EPC1: variants seen among roughly 807,000 people sequenced by gnomAD.
EPC1 encodes the protein enhancer of polycomb 1.
Under a neutral mutation model 98.4 loss-of-function variants are expected in EPC1, and 12 were observed. The observed-to-expected ratio is 0.12, with a 90% CI of 0.08 to 0.20. The LOEUF is 0.20. EPC1 is among the 10% of genes least tolerant of loss of function. The probability of loss-of-function intolerance (pLI) is 1.00; values close to 1 mark genes in which losing one functional copy is unlikely to be tolerated. For missense variants in EPC1, 729 were observed against 990.5 expected, an observed-to-expected ratio of 0.74 and a Z score of 3.54; for synonymous variants, 357 against 363.9, an observed-to-expected ratio of 0.98 and a Z score of 0.21.
chr10:32,348,264 CGTT>C (rs80168842), upstream of EPC1, among the ~76,000 whole-genome samples: 783 of 151,212 alleles, frequency 5.2e-3, 3 homozygotes, highest in Non-Finnish European at 7.0e-3. Context: ...GAGATCTCTT[CGTT>C]GTTGTTGTTG....
At chr10:32,306,238 G>A (rs1326665370) in intron 1 of EPC1, among the ~76,000 whole-genome samples, 1 of 152,210 alleles carries the variant, frequency 6.6e-6, no homozygotes, top group Non-Finnish European at 1.5e-5. Flanking sequence ...ATGAGACGTG[G>A]AGAAGGAGTT....
At chr10:32,344,870 G>A (rs1838651765) in intron 1 of EPC1, among the ~76,000 whole-genome samples, 1 of 152,180 alleles carries the variant, frequency 6.6e-6, no homozygotes, top group South Asian at 2.1e-4. Flanking sequence ...ACTTCATTGA[G>A]CTCAGCTCTG....
intron 1 of EPC1, among the ~76,000 whole-genome samples, chr10:32,342,136 T>C (rs2133037985): frequency 6.6e-6 from 1 of 152,342 alleles, no homozygotes; most frequent in African/African-American, 2.4e-5. Flanking sequence ...TCAATTCTTT[T>C]CTAATTCAAA....
intron 1 of EPC1, among the ~76,000 whole-genome samples, chr10:32,318,572 T>C (rs752404407): frequency 3.3e-5 from 5 of 152,154 alleles, no homozygotes; most frequent in Admixed American, 6.5e-5. Context: ...CACAGACATC[T>C]CTCACATAAC....
intron 6 of EPC1, among the ~76,000 whole-genome samples, chr10:32,287,938 A>C (rs1248610075): frequency 6.6e-6 from 1 of 152,244 alleles, no homozygotes; most frequent in African/African-American, 2.4e-5. Flanking sequence ...GGAACACAGC[A>C]TGTTCGAAAC....
chr10:32,332,965 G>A (rs1036485620), intron 1 of EPC1, among the ~76,000 whole-genome samples: 1 of 152,170 alleles, frequency 6.6e-6, no homozygotes, highest in African/African-American at 2.4e-5. Flanking sequence ...TGAGGTAGAT[G>A]TTATTGGAAA....
At position 32,361,134 on chromosome 10, in the gene EPC1, G is replaced by A. The variant is rs555522312; in HGVS notation, c.3+17357C>T. Among the ~76,000 whole-genome samples, 3 of 152,328 alleles carry A rather than the reference G, an allele frequency of 2.0e-5. No individual in the cohort carries two copies. The East Asian group carries it at 5.8e-4, about 29-fold the overall frequency. The stretch of plus-strand genomic sequence containing the variant: ...CTGAGCTTCTTCCTTTAGGTCAACA[G>A]CTTTAGGAAAACAAATTGCTAAGAG... On this transcript the variant is annotated intron_variant, in intron 1 of 13. Transcript: ENST00000375110.
In EPC1 at chr10:32,305,904, C is replaced by A. The variant is rs1037916591; in HGVS notation, c.181G>T (p.Ala61Ser). ...CTCTTCTCGCCATACACCTGCTGTG[C>A]TGAAATAGCCCGCTGAAGATGATGT... ...SEHHLQRAIS[A>S]QQVYGEKRDN... Residue 61 changes from alanine to serine, a missense_variant, in exon 2 of 14, where the codon GCA becomes TCA. Coordinates refer to ENST00000319778, the MANE Select transcript of EPC1 (RefSeq NM_001272004.3). The A allele has an allele frequency of 2.5e-6, 4 of 1,600,168 alleles. No homozygotes were observed. Among genetic ancestry groups the A allele is most frequent in the Non-Finnish European group, 8.5e-7 (1 of 1,175,734 alleles).
intron 1 of EPC1, among the ~76,000 whole-genome samples, chr10:32,361,184 A>G (rs962449240): frequency 6.6e-6 from 1 of 152,234 alleles, no homozygotes; most frequent in African/African-American, 2.4e-5. Context: ...AGTGGTTAAA[A>G]GGTCTGGCTC....
chr10:32,351,746 TGA>T (rs1325074586), upstream of EPC1, among the ~76,000 whole-genome samples: 3 of 149,984 alleles, frequency 2.0e-5, no homozygotes, highest in Non-Finnish European at 4.4e-5. Context: ...TATTTTATTT[TGA>T]GAGATGGAGT....
intron 1 of EPC1, among the ~76,000 whole-genome samples, chr10:32,361,049 T>C (rs1564567143): frequency 6.6e-6 from 1 of 152,194 alleles, no homozygotes; most frequent in African/African-American, 2.4e-5. Flanking sequence ...AACTTAAAAG[T>C]GTGCTCTGGG....
chr10:32,292,511 T>C lies in EPC1; in HGVS notation c.800A>G (p.Glu267Gly). The C allele has an allele frequency of 6.4e-7, 1 of 1,573,652 alleles. No homozygotes were observed. The highest frequency in any genetic ancestry group is 8.6e-7 in the Non-Finnish European group (1 of 1,161,826). The change falls in exon 5 of 14, where the codon GAA (glutamate) becomes GGA (glycine). Residue 267 changes from glutamate (E) to glycine (G), a missense_variant. Glu to Gly is a moderately conservative substitution (Grantham distance 98, BLOSUM62 -2). Around this residue, in one of 6 missense-constraint regions of EPC1, gnomAD observed 39 missense variants for 94.9 expected, o/e 0.41. Transcript: ENST00000319778. ...SKRELLHLTL[E>G]IMEKRYNLGD... is the part of the protein sequence containing the mutation. ...TATACATTACCTCTTTTCCATAATT[T>C]CCAGTGTTAAGTGCAATAGCTCTCT...
rs574602736 is a variant in EPC1 at position 32,333,067 on chromosome 10, C to T, written c.153+13696G>A. On this transcript the variant is annotated intron_variant, in intron 1 of 13. Coordinates refer to ENST00000319778, the MANE Select transcript of EPC1 (RefSeq NM_001272004.3). Reference sequence around the variant, plus strand: ...ATAAAAACCAGAAATTTTGGCTGGGCGCGGTGGCTCACGCCTGTAATCCCA... The same window carrying T: ...ATAAAAACCAGAAATTTTGGCTGGGTGCGGTGGCTCACGCCTGTAATCCCA... 1.2e-4 allele frequency among the ~76,000 whole-genome samples: 18 copies of T among 152,282 alleles called. No individual in the cohort carries two copies. In the East Asian group the frequency reaches 3.5e-3, roughly 29 times the overall value.
At chr10:32,352,413 T>G (rs1479309739) in intron 1 of EPC1, among the ~76,000 whole-genome samples, 1 of 152,068 alleles carries the variant, frequency 6.6e-6, no homozygotes, top group Non-Finnish European at 1.5e-5. Context: ...GAAATCCTAT[T>G]TCACAGGAAT....
intron 1 of EPC1, among the ~76,000 whole-genome samples, chr10:32,311,266 T>A (rs554543824): frequency 1.3e-5 from 2 of 151,182 alleles, no homozygotes; most frequent in African/African-American, 4.9e-5. Flanking sequence ...TGAGCCGAGA[T>A]TGCACCGCTG....
intron 1 of EPC1, among the ~76,000 whole-genome samples, chr10:32,332,934 G>T (rs1837727183): frequency 1.3e-5 from 2 of 152,174 alleles, no homozygotes; most frequent in Admixed American, 6.5e-5. Context: ...ATTTCATAAG[G>T]CTACAAGGAG....
chr10:32,269,858 G>A (rs1004693477), intron 13 of EPC1, among the ~76,000 whole-genome samples: 1 of 152,138 alleles, frequency 6.6e-6, no homozygotes, highest in African/African-American at 2.4e-5. Flanking sequence ...GGAAACTACA[G>A]GCCACAGTTC....
chr10:32,290,931 T>A (rs866568196), intron 6 of EPC1, among the ~76,000 whole-genome samples: 1 of 151,970 alleles, frequency 6.6e-6, no homozygotes, highest in African/African-American at 2.4e-5. Context: ...CATGCCACCA[T>A]ACCTGGCTAA....
rs1207121040 is a variant in EPC1 at position 32,272,021 on chromosome 10, C to T, written c.2005+5G>A. On this transcript the variant is annotated splice_donor_5th_base_variant and intron_variant, in intron 12 of 13. Transcript: ENST00000319778. ...CCCAAACAATTTAAATGTCTTTATT[C>T]TTACCTGAGGCTGGAAGGACGCCAT... 3 of 1,608,970 alleles carry T rather than the reference C, an allele frequency of 1.9e-6. No homozygotes were observed. Among genetic ancestry groups the T allele is most frequent in the Non-Finnish European group, 1.7e-6 (2 of 1,178,700 alleles).
Sources: allele counts gnomAD v4.1 joint callset (sites outside exome capture counted in the v4.1 genomes callset), GRCh38; gene constraint gnomAD v4.1.1; regional missense constraint gnomAD v4.1.1; transcripts MANE v1.5; gene names NCBI Gene and HGNC (gene_info 2026-07-23, HGNC 2026-07-21).